The following PLXND1 variants were observed in gnomAD, a reference collection of about 807,000 sequenced individuals.
PLXND1 encodes plexin D1, also known as plexin-D1.
PLXND1 carries 54 observed loss-of-function variants against 197.7 expected under a neutral mutation model. The ratio of observed to expected loss-of-function variants is 0.27; its 90% CI spans 0.22 to 0.34. The LOEUF (loss-of-function observed/expected upper bound fraction) is 0.34, where lower values mean the gene tolerates loss of function less well. Among genes scored for constraint, PLXND1 ranks in the 10% least tolerant of loss-of-function variants. PLXND1 has a pLI of 1.00. For synonymous variants in PLXND1, 1,180 were observed against 1,161.2 expected, an observed-to-expected ratio of 1.02 and a Z score of -0.33; for missense variants, 2,127 against 2,699.2, an observed-to-expected ratio of 0.79 and a Z score of 4.70.
At chr3:129,562,267 CT>C (rs1353539348) in intron 27 of PLXND1, among the ~76,000 whole-genome samples, 2 of 152,166 alleles carry the variant, frequency 1.3e-5, no homozygotes, top group African/African-American at 4.8e-5. Flanking sequence ...AATCCCAGCA[CT>C]TTGGGAGGAT....
At position 129,571,849 on chromosome 3, in the gene PLXND1, G is replaced by A. The variant is rs980389521; in HGVS notation, c.3078-5C>T. 19 of 1,605,918 alleles carry A rather than the reference G, an allele frequency of 1.2e-5. No homozygotes were observed. The highest frequency in any genetic ancestry group is 4.0e-5 in the African/African-American group (3 of 74,748). ...GCGATGCTGGTATCTGTGCGCCTGGGGGGAGCAGCAGGTTATCAGCAGGGC... is the reference window on the plus strand; with the variant it reads ...GCGATGCTGGTATCTGTGCGCCTGGAGGGAGCAGCAGGTTATCAGCAGGGC... On this transcript the variant is annotated splice_region_variant and splice_polypyrimidine_tract_variant and intron_variant, in intron 15 of 35. Coordinates refer to ENST00000324093, the MANE Select transcript of PLXND1 (RefSeq NM_015103.3).
intron 8 of PLXND1, among the ~76,000 whole-genome samples, chr3:129,582,201 C>T (rs552928332): frequency 1.5e-4 from 23 of 152,398 alleles, no homozygotes; most frequent in Admixed American, 1.3e-3. Context: ...GGAGGTGCTG[C>T]GCACTGCGAG....
In PLXND1 at chr3:129,555,743, T is replaced by A. The variant is rs2108759120; in HGVS notation, c.*569A>T. 2.0e-6 allele frequency: 1 copy of A among 491,848 alleles called. No homozygotes were observed. Among genetic ancestry groups the A allele is most frequent in the East Asian group, 3.5e-5 (1 of 28,222 alleles). The allele number at this position is 491,848 out of a possible 1,614,324, so 30.5% of individuals were successfully genotyped here. On this transcript the variant is annotated 3_prime_UTR_variant, in exon 36 of 36. Transcript: ENST00000324093. ...ACCCCATGGCGCGGGCACTGCCCAC[T>A]CTACCAACAGCCGCCCAAGCAACAA...
chr3:129,589,666 A>G (rs1475715231), intron 1 of PLXND1, 139 bp from the exon 2 acceptor site: 3 of 728,112 alleles, frequency 4.1e-6, no homozygotes, highest in African/African-American at 3.6e-5. Flanking sequence ...TGCTCAGCTG[A>G]GGCCCAAACA....
At chr3:129,573,861 G>A (rs1054919984) in intron 12 of PLXND1, 116 bp from the exon 13 acceptor site, 1 of 1,178,844 alleles carries the variant, frequency 8.5e-7, no homozygotes, top group Non-Finnish European at 1.2e-6. Flanking sequence ...CTGCTTAGAG[G>A]AAGGTCTGGA....
intron 19 of PLXND1, 148 bp downstream of exon 19, chr3:129,570,638 G>A: frequency 6.5e-6 from 5 of 765,548 alleles, no homozygotes; most frequent in Non-Finnish European, 1.1e-5. Flanking sequence ...CATATGTCAA[G>A]TGGGGATGTA....
At chr3:129,604,088 C>A (rs1165516725) in intron 1 of PLXND1, among the ~76,000 whole-genome samples, 1 of 152,184 alleles carries the variant, frequency 6.6e-6, no homozygotes, top group Non-Finnish European at 1.5e-5. Flanking sequence ...CTCCCGCACC[C>A]TTGTCATGTC....
intron 9 of PLXND1, among the ~76,000 whole-genome samples, chr3:129,576,235 TG>T (rs1196229276): frequency 2.0e-5 from 3 of 152,206 alleles, no homozygotes. Context: ...TGCTCAGACG[TG>T]CCCCAACGCC....
chr3:129,566,609 C>A lies in PLXND1; in HGVS notation c.4109G>T (p.Arg1370Leu), dbSNP rs766476368. 5 of 1,609,240 alleles carry A rather than the reference C, an allele frequency of 3.1e-6. No individual in the cohort carries two copies. The highest frequency in any genetic ancestry group is 4.3e-6 in the Non-Finnish European group (5 of 1,176,420). ...FPKCSSLYEE[R>L]YVLPSQTLNS... Reference sequence around the variant, plus strand: ...GAGGGTCTGGGAGGGCAGCACGTAACGCTCTTCATAAAGGGAGGAACACTG... The same window carrying A: ...GAGGGTCTGGGAGGGCAGCACGTAAAGCTCTTCATAAAGGGAGGAACACTG... The change falls in exon 23 of 36, where the codon CGT becomes CTT. Residue 1370 changes from arginine (R) to leucine (L), a missense_variant. Coordinates refer to ENST00000324093, the MANE Select transcript of PLXND1 (RefSeq NM_015103.3).
intron 12 of PLXND1, 72 bp downstream of exon 12, chr3:129,574,264 G>A (rs1401999055): frequency 4.4e-5 from 62 of 1,418,970 alleles, no homozygotes; most frequent in Non-Finnish European, 5.6e-5. Flanking sequence ...CCAAGAAGTG[G>A]GACCCTCGAG....
chr3:129,555,345 G>T lies in PLXND1; in HGVS notation c.*967C>A. The T allele has an allele frequency of 1.7e-6, 1 of 595,508 alleles. No individual in the cohort carries two copies. The highest frequency in any genetic ancestry group is 3.2e-5 in the East Asian group (1 of 31,192). 36.9% of individuals were successfully genotyped at this position (595,508 alleles called of 1,614,324 possible). ...TGCGAGGGGCCCGCATGGCCCATCG[G>T]CCACAGAGGGTCGTTTCTGGCAGGA... On this transcript the variant is annotated 3_prime_UTR_variant, in exon 36 of 36. Transcript: ENST00000324093.
In PLXND1 at chr3:129,605,772, G is replaced by A; in HGVS notation, c.868C>T (p.Pro290Ser). ...VSAFLHPSDP[P>S]PGAQSYAYLA... Reference sequence around the variant, plus strand: ...TACGCGTAGGACTGTGCACCCGGCGGCGGGTCGGACGGGTGCAGGAAGGCG... The same window carrying A: ...TACGCGTAGGACTGTGCACCCGGCGACGGGTCGGACGGGTGCAGGAAGGCG... The change falls in exon 1 of 36, where the codon CCG becomes TCG. Residue 290 changes from proline to serine, a missense_variant. Physicochemically the swap from Pro to Ser is moderately conservative, Grantham distance 74 (BLOSUM62 -1). Coordinates refer to ENST00000324093, the MANE Select transcript of PLXND1 (RefSeq NM_015103.3). The A allele has an allele frequency of 6.4e-7, 1 of 1,573,776 alleles. No individual in the cohort carries two copies. Among genetic ancestry groups the A allele is most frequent in the Non-Finnish European group, 8.6e-7 (1 of 1,161,054 alleles).
In PLXND1 at chr3:129,562,914, G is replaced by A; in HGVS notation, c.4698C>T (p.Gly1566=). The A allele has an allele frequency of 1.9e-6, 3 of 1,606,678 alleles. No homozygotes were observed. The highest frequency in any genetic ancestry group is 1.7e-4 in the Middle Eastern group (1 of 6,038). The part of the protein sequence containing the change: ...RNLNVSFQGC[G]MDSLSVRAMD... ...TGGCCCGCACGCTCAGCGAGTCCAT[G>A]CCACAGCCCTGGAAGGACACGTTCA... Residue 1566 remains glycine, a synonymous_variant, in exon 27 of 36, where the codon GGC becomes GGT. Transcript: ENST00000324093.
chr3:129,591,726 T>C (rs1220456696), intron 1 of PLXND1: 1 of 152,234 alleles, frequency 6.6e-6, no homozygotes, highest in East Asian at 1.9e-4. Flanking sequence ...GGGCAAATCA[T>C]GCCTACCTTA....
rs1006902211 is a variant in PLXND1, at chr3:129,555,496, G to A, written c.*816C>T. On this transcript the variant is annotated 3_prime_UTR_variant, in exon 36 of 36. Coordinates refer to ENST00000324093, the MANE Select transcript of PLXND1 (RefSeq NM_015103.3). ...CCCTCCCCGGGTCCTCTGCGCAAGC[G>A]GCAGCTATTCACAGTTGGTGCATGA... is the stretch of plus-strand genomic sequence containing the variant. The A allele has an allele frequency of 2.2e-4, 150 of 678,620 alleles. No homozygotes were observed. Among genetic ancestry groups the A allele is most frequent in the Non-Finnish European group, 3.2e-4 (121 of 379,032 alleles). 42.0% of individuals were successfully genotyped at this position (678,620 alleles called of 1,614,324 possible). A position where few individuals can be genotyped will look rare whatever the true frequency, so the allele number is the denominator to read the frequency against.
In PLXND1 at chr3:129,561,847, C is replaced by G. The variant is rs763881080; in HGVS notation, c.4882G>C (p.Val1628Leu). The G allele has an allele frequency of 1.9e-6, 3 of 1,614,084 alleles. No individual in the cohort carries two copies. Among genetic ancestry groups the G allele is most frequent in the Admixed American group, 3.3e-5 (2 of 60,030 alleles). The stretch of plus-strand genomic sequence containing the variant: ...AGCTTCTTGCGGCCGTCTTCCACCA[C>G]TGAGGTGTCGTCCAGGTCCCGAAGG... ...YILRDLDDTS[V>L]VEDGRKKLNT... The change falls in exon 28 of 36, where the codon GTG (valine) becomes CTG (leucine). Residue 1628 changes from valine (V) to leucine (L), a missense_variant. Val to Leu is a conservative substitution (Grantham distance 32). Around this residue, in one of 6 missense-constraint regions of PLXND1, gnomAD observed 532 missense variants for 811.0 expected, o/e 0.66. Transcript: ENST00000324093.
intron 1 of PLXND1, among the ~76,000 whole-genome samples, chr3:129,598,544 C>G (rs942621499): frequency 1.3e-5 from 2 of 152,098 alleles, no homozygotes; most frequent in African/African-American, 2.4e-5. Context: ...AGCAGGAGTC[C>G]ACACCAGGGG....
chr3:129,588,666 T>C (rs1011760680), intron 2 of PLXND1, among the ~76,000 whole-genome samples: 1 of 151,860 alleles, frequency 6.6e-6, no homozygotes, highest in Admixed American at 6.6e-5. Flanking sequence ...ATGAATAGAG[T>C]GGTGGCGCTT....
At chr3:129,591,292 A>G (rs2108796943) in intron 1 of PLXND1, 1 of 152,368 alleles carries the variant, frequency 6.6e-6, no homozygotes, top group Middle Eastern at 3.4e-3. Context: ...GGGTATATCC[A>G]TAGTGTTTTC....
Sources: gnomAD v4.1 joint callset for allele counts (sites outside exome capture counted in the v4.1 genomes callset) on GRCh38, gnomAD v4.1.1 for gene constraint, gnomAD v4.1.1 regional missense constraint, MANE v1.5 for transcripts, NCBI Gene and HGNC (gene_info 2026-07-23, HGNC 2026-07-21) for gene names.